KCNQ3: variants seen among roughly 807,000 people sequenced by gnomAD.
The protein encoded by KCNQ3 is potassium voltage-gated channel subfamily KQT member 3.
A neutral mutation model predicts 92.5 loss-of-function variants in KCNQ3; 30 were observed. The observed-to-expected ratio is 0.32, with a 90% CI of 0.24 to 0.44. The LOEUF (loss-of-function observed/expected upper bound fraction) is 0.44. KCNQ3 is among the 20% of genes least tolerant of loss of function. The pLI, the probability that KCNQ3 is intolerant of heterozygous loss-of-function variation, is 1.00. For synonymous variants in KCNQ3, 450 were observed against 468.8 expected (o/e 0.96, Z 0.52); for missense variants, 913 against 1,140.3 (o/e 0.80, Z 2.87).
chr8:132,248,208 A>G lies in KCNQ3; in HGVS notation c.387-62027T>C, dbSNP rs768581949. Among the ~76,000 whole-genome samples, 13 of 152,098 alleles carry G rather than the reference A, an allele frequency of 8.5e-5. 1 individual carries two copies. Among genetic ancestry groups the G allele is most frequent in the African/African-American group, 1.4e-4 (6 of 41,414 alleles). On this transcript the variant is annotated intron_variant, in intron 1 of 14. Coordinates refer to ENST00000388996, the MANE Select transcript of KCNQ3 (RefSeq NM_004519.4). ...TGGGTTTCTGAGAATTACAGCTACT[A>G]TTCTGGGAAAGGGTACTGATGAAAT... is the stretch of plus-strand genomic sequence containing the variant.
At chr8:132,473,433 C>T (rs564468001) in intron 1 of KCNQ3, among the ~76,000 whole-genome samples, 63 of 152,262 alleles carry the variant, frequency 4.1e-4, no homozygotes, top group Non-Finnish European at 7.4e-5. Flanking sequence ...GAGATTTCTG[C>T]TAATATTAAC....
rs530488950 is a variant in KCNQ3 at position 132,436,214 on chromosome 8, A to G, written c.386+43933T>C. On this transcript the variant is annotated intron_variant, in intron 1 of 14. Coordinates refer to ENST00000388996, the MANE Select transcript of KCNQ3 (RefSeq NM_004519.4). ...TGTGGAGAAGGGAATTATCAATAAA[A>G]TTGTAAATACTTAGGTTTGGAAATG... Among the ~76,000 whole-genome samples the G allele has an allele frequency of 5.3e-5, 8 of 152,344 alleles. 1 individual carries two copies. In the South Asian group the frequency reaches 1.7e-3, roughly 32 times the overall value.
chr8:132,428,074 A>G (rs1244655782), intron 1 of KCNQ3, among the ~76,000 whole-genome samples: 1 of 151,506 alleles, frequency 6.6e-6, no homozygotes, highest in Non-Finnish European at 1.5e-5. Flanking sequence ...ATATGTCCCC[A>G]TCTCAGGCCT....
intron 1 of KCNQ3, among the ~76,000 whole-genome samples, chr8:132,391,678 A>G (rs940518322): frequency 2.6e-5 from 4 of 152,140 alleles, no homozygotes. Context: ...AAGAGAGAAA[A>G]CATCTTCCCC....
chr8:132,420,843 G>A (rs367585489), intron 1 of KCNQ3, among the ~76,000 whole-genome samples: 3 of 152,164 alleles, frequency 2.0e-5, no homozygotes, highest in Non-Finnish European at 4.4e-5. Flanking sequence ...ACTGCACAGA[G>A]GGCCCCTGGG....
chr8:132,480,195 T>C lies in KCNQ3; in HGVS notation c.338A>G (p.Asp113Gly), dbSNP rs747670092. ...KYRRIQTLIY[D>G]ALERPRGWAL... ...CCAGCCCCGCGGTCTCTCCAGGGCG[T>C]CGTAGATCAAAGTTTGGATGCGCCG... The change falls in exon 1 of 15, where the codon GAC (aspartate) becomes GGC (glycine). Residue 113 changes from aspartate to glycine, a missense_variant. Transcript: ENST00000388996. 1 of 1,612,692 alleles carries C rather than the reference T, an allele frequency of 6.2e-7. No homozygotes were observed. The highest frequency in any genetic ancestry group is 1.3e-5 in the African/African-American group (1 of 74,736).
rs149324120 is a variant in KCNQ3 at position 132,129,735 on chromosome 8, C to G, written c.2146G>C (p.Asp716His). The change falls in exon 15 of 15, where the codon GAC (aspartate) becomes CAC (histidine). Residue 716 changes from aspartate to histidine, a missense_variant. Physicochemically the swap from Asp to His is moderately conservative, Grantham distance 81. Transcript: ENST00000388996. This position sits in a 1 kb window ranked among gnomAD's most constrained non-coding sequence, Gnocchi z 5.9. ...KVSPYGFFAH[D>H]PVNLPRGGPS... ...CCCCCTCGGGGCAGGTTCACAGGGT[C>G]ATGTGCAAAAAACCCATAGGGGCTG... is the stretch of plus-strand genomic sequence containing the variant. 3.3e-5 allele frequency: 54 copies of G among 1,614,114 alleles called. No homozygotes were observed. Among genetic ancestry groups the G allele is most frequent in the Admixed American group, 2.3e-4 (14 of 60,020 alleles).
chr8:132,480,401 C>G lies in KCNQ3; in HGVS notation c.132G>C (p.Gly44=), dbSNP rs762808143. The change falls in exon 1 of 15, where the codon GGG becomes GGC. Residue 44 remains glycine, a synonymous_variant. Transcript: ENST00000388996. ...AAAGDEERKV[G]LAPGDVEQVT... is the part of the protein sequence containing the mutation. ...CTTGCTCCACGTCGCCGGGCGCCAG[C>G]CCCACTTTCCGCTCCTCGTCGCCGG... The G allele has an allele frequency of 1.3e-6, 2 of 1,534,868 alleles. No homozygotes were observed. The highest frequency in any genetic ancestry group is 2.6e-5 in the East Asian group (1 of 38,522).
At chr8:132,456,773 G>A (rs1587039553) in intron 1 of KCNQ3, among the ~76,000 whole-genome samples, 3 of 151,804 alleles carry the variant, frequency 2.0e-5, no homozygotes, top group Admixed American at 6.6e-5. Context: ...CACAATGCCC[G>A]GCTAATTTTC....
At chr8:132,282,464 A>G (rs1432852357) in intron 1 of KCNQ3, among the ~76,000 whole-genome samples, 1 of 151,974 alleles carries the variant, frequency 6.6e-6, no homozygotes, top group Non-Finnish European at 1.5e-5. Context: ...CACAATTTTG[A>G]TTTTCGTACA....
intron 1 of KCNQ3, among the ~76,000 whole-genome samples, chr8:132,432,410 A>T (rs1821277677): frequency 6.6e-6 from 1 of 152,186 alleles, no homozygotes; most frequent in African/African-American, 2.4e-5. Flanking sequence ...AATATTGGAC[A>T]ATGTTTTCAA....
At chr8:132,275,738 C>T (rs576513519) in intron 1 of KCNQ3, among the ~76,000 whole-genome samples, 11 of 152,172 alleles carry the variant, frequency 7.2e-5, no homozygotes, top group South Asian at 4.1e-4. Context: ...CCACCAGGCC[C>T]GGCTAATTTT....
intron 1 of KCNQ3, among the ~76,000 whole-genome samples, chr8:132,239,523 T>C (rs1409365114): frequency 6.6e-6 from 1 of 152,164 alleles, no homozygotes; most frequent in Non-Finnish European, 1.5e-5. Flanking sequence ...CAGAAGAAGA[T>C]TGTTAGTACT....
At chr8:132,242,242 C>T (rs191293998) in intron 1 of KCNQ3, among the ~76,000 whole-genome samples, 9 of 152,222 alleles carry the variant, frequency 5.9e-5, no homozygotes, top group Admixed American at 5.9e-4. Context: ...AATCAACAGA[C>T]ACATATTGAA....
At chr8:132,195,583 C>T (rs1827278201) in intron 1 of KCNQ3, among the ~76,000 whole-genome samples, 1 of 152,020 alleles carries the variant, frequency 6.6e-6, no homozygotes, top group South Asian at 2.1e-4. Context: ...CCTTCCAGTA[C>T]CATTTTTCTA....
chr8:132,163,629 T>C (rs1826057224), intron 8 of KCNQ3, 135 bp from the exon 9 acceptor site: 1 of 794,838 alleles, frequency 1.3e-6, no homozygotes, highest in African/African-American at 1.7e-5. Context: ...ATGGTCAGTG[T>C]GGAGGGAACC....
At chr8:132,409,206 C>T (rs1820582477) in intron 1 of KCNQ3, among the ~76,000 whole-genome samples, 1 of 152,080 alleles carries the variant, frequency 6.6e-6, no homozygotes, top group Admixed American at 6.5e-5. Flanking sequence ...AAAATTGAGC[C>T]AAATTTGCCT....
chr8:132,171,151 G>A (rs993509565), intron 7 of KCNQ3, among the ~76,000 whole-genome samples: 1 of 152,174 alleles, frequency 6.6e-6, no homozygotes, highest in African/African-American at 2.4e-5. Flanking sequence ...GGGTGCAAGA[G>A]AAAGCCTACC....
At chr8:132,280,536 A>T (rs1033795579) in intron 1 of KCNQ3, among the ~76,000 whole-genome samples, 2 of 152,152 alleles carry the variant, frequency 1.3e-5, no homozygotes, top group African/African-American at 4.8e-5. Context: ...GCCATGACGG[A>T]TCTGCCTCCA....
Sources: gnomAD v4.1 joint callset for allele counts (sites outside exome capture counted in the v4.1 genomes callset) on GRCh38, gnomAD v4.1.1 for gene constraint, Gnocchi (gnomAD v3.1) non-coding constraint, MANE v1.5 for transcripts, NCBI Gene and HGNC (gene_info 2026-07-23, HGNC 2026-07-21) for gene names.